MYO16: variants seen among roughly 807,000 people sequenced by gnomAD.
MYO16 encodes unconventional myosin-XVI.
A neutral mutation model predicts 205.3 loss-of-function variants in MYO16; 94 were observed. The ratio of observed to expected loss-of-function variants is 0.46; its 90% CI spans 0.39 to 0.54. The LOEUF is 0.54. Ranked by LOEUF, MYO16 falls within the 20% of genes least tolerant of loss-of-function variation. The probability of loss-of-function intolerance (pLI) is 0.00; values close to 1 mark genes in which losing one functional copy is unlikely to be tolerated. For missense variants in MYO16, 2,315 were observed against 2,387.5 expected, an observed-to-expected ratio of 0.97 and a Z score of 0.63; for synonymous variants, 988 against 954.0, an observed-to-expected ratio of 1.04 and a Z score of -0.66.
At chr13:108,911,393 C>T (rs1013001573) in intron 16 of MYO16, among the ~76,000 whole-genome samples, 1 of 151,952 alleles carries the variant, frequency 6.6e-6, no homozygotes, top group Non-Finnish European at 1.5e-5. Context: ...ATACGTTAAT[C>T]GAGAGCCTCC....
chr13:109,114,092 A>G (rs941756346), intron 28 of MYO16, among the ~76,000 whole-genome samples: 1 of 152,174 alleles, frequency 6.6e-6, no homozygotes, highest in Non-Finnish European at 1.5e-5. Context: ...GGGAGCAGCA[A>G]CATAGCAGCT....
chr13:108,576,124 T>C, the MYO16 span, among the ~76,000 whole-genome samples: 4,978 of 152,120 alleles, frequency 0.033, 250 homozygotes, highest in African/African-American at 0.11. Flanking sequence ...GCTGGTAAGC[T>C]GAAGTTCCAA....
chr13:109,140,282 C>G lies in MYO16; in HGVS notation c.4070C>G (p.Pro1357Arg). ...GCCGCAGCTCTGGCCCGGCCCAGAC[C>G]GCACAGCGACGACTACAGCACCATG... ...AANEALARPR[P>R]HSDDYSTMKK... Residue 1357 changes from proline to arginine, a missense_variant, in exon 32 of 35, where the codon CCG becomes CGG. By Grantham distance (103) the Pro-to-Arg change is moderately radical (BLOSUM62 -2). Coordinates refer to ENST00000457511, the MANE Select transcript of MYO16 (RefSeq NM_001198950.3). This position sits in a 1 kb window ranked among gnomAD's most constrained non-coding sequence, Gnocchi z 8.0. The G allele has an allele frequency of 6.2e-7, 1 of 1,600,306 alleles. No homozygotes were observed. Among genetic ancestry groups the G allele is most frequent in the Non-Finnish European group, 8.5e-7 (1 of 1,179,134 alleles).
chr13:108,760,767 C>A (rs1045380739), intron 4 of MYO16, among the ~76,000 whole-genome samples: 5 of 152,094 alleles, frequency 3.3e-5, no homozygotes, highest in African/African-American at 1.2e-4. Context: ...GAGGAGGTGG[C>A]ATGAGAACTG....
chr13:108,902,174 T>G (rs755789732), intron 15 of MYO16, among the ~76,000 whole-genome samples: 1 of 152,212 alleles, frequency 6.6e-6, no homozygotes, highest in South Asian at 2.1e-4. Flanking sequence ...AAGGAACATC[T>G]TCACTCAGTC....
intron 3 of MYO16, 110 bp downstream of exon 3, chr13:108,712,841 A>T: frequency 2.6e-6 from 2 of 771,322 alleles, no homozygotes; most frequent in South Asian, 4.4e-5. Context: ...GATCAGAAAG[A>T]TGATGTGTTT....
chr13:108,697,631 A>G (rs1374058025), intron 2 of MYO16, among the ~76,000 whole-genome samples: 2 of 152,194 alleles, frequency 1.3e-5, no homozygotes, highest in African/African-American at 4.8e-5. Flanking sequence ...TTAAGTATCA[A>G]TTTGTATGAT....
At chr13:108,759,630 G>A (rs1391572892) in intron 4 of MYO16, among the ~76,000 whole-genome samples, 1 of 152,052 alleles carries the variant, frequency 6.6e-6, no homozygotes, top group Non-Finnish European at 1.5e-5. Context: ...GACCATCCTG[G>A]CTAACACGGT....
chr13:108,721,268 C>T (rs1254260330), intron 3 of MYO16, among the ~76,000 whole-genome samples: 1 of 152,184 alleles, frequency 6.6e-6, no homozygotes, highest in Admixed American at 6.5e-5. Flanking sequence ...CTTGCTCTCT[C>T]GTCACTTTGC....
At chr13:109,163,167 GC>G (rs869075391) in intron 32 of MYO16, among the ~76,000 whole-genome samples, 28 of 105,290 alleles carry the variant, frequency 2.7e-4, no homozygotes, top group Non-Finnish European at 4.6e-4. Context: ...TCCTTTCTGG[GC>G]AGAACAGGCT....
intron 23 of MYO16, among the ~76,000 whole-genome samples, chr13:109,023,601 GT>G (rs1886207780): frequency 8.3e-6 from 1 of 120,836 alleles, no homozygotes; most frequent in Non-Finnish European, 1.6e-5. Context: ...AAATATAAAT[GT>G]ACATATTTAT....
chr13:108,989,817 G>A (rs1247942309), intron 20 of MYO16, among the ~76,000 whole-genome samples: 2 of 151,862 alleles, frequency 1.3e-5, no homozygotes, highest in African/African-American at 4.8e-5. Context: ...TTTTCAGATT[G>A]TATTTCTTTG....
intron 28 of MYO16, among the ~76,000 whole-genome samples, chr13:109,114,659 C>G (rs1170869477): frequency 2.6e-5 from 4 of 152,166 alleles, no homozygotes; most frequent in Non-Finnish European, 5.9e-5. Flanking sequence ...GGAAATTGTA[C>G]TATTATTCCG....
At chr13:108,803,947 A>G (rs1270715327) in intron 6 of MYO16, among the ~76,000 whole-genome samples, 1 of 152,208 alleles carries the variant, frequency 6.6e-6, no homozygotes, top group Non-Finnish European at 1.5e-5. Context: ...TTAACATACA[A>G]AAATGATGGT....
At chr13:109,068,777 G>C (rs1258602016) in intron 27 of MYO16, among the ~76,000 whole-genome samples, 1 of 152,118 alleles carries the variant, frequency 6.6e-6, no homozygotes. Context: ...TTTTAGTAGA[G>C]AAGGGGTTTC....
chr13:108,686,550 G>C (rs1229593953), intron 2 of MYO16, among the ~76,000 whole-genome samples: 1 of 152,180 alleles, frequency 6.6e-6, no homozygotes, highest in Non-Finnish European at 1.5e-5. Flanking sequence ...AGGGGATATG[G>C]AGGTGATCAC....
the MYO16 span, among the ~76,000 whole-genome samples, chr13:108,509,588 TATG>T: frequency 6.6e-6 from 1 of 152,322 alleles, no homozygotes; most frequent in East Asian, 1.9e-4. Context: ...AAAAGTGGGC[TATG>T]ATTGGCTTCA....
intron 20 of MYO16, among the ~76,000 whole-genome samples, chr13:108,991,523 A>G (rs1362202328): frequency 1.3e-5 from 2 of 152,224 alleles, no homozygotes; most frequent in African/African-American, 4.8e-5. Flanking sequence ...TTTACCTTAC[A>G]TCGCACTTGG....
the MYO16 span, among the ~76,000 whole-genome samples, chr13:108,590,075 T>C: frequency 6.6e-6 from 1 of 152,194 alleles, no homozygotes; most frequent in Non-Finnish European, 1.5e-5. Context: ...AAAAATCAAA[T>C]TTTTAATAAT....
Sources: gnomAD v4.1 joint callset for allele counts (sites outside exome capture counted in the v4.1 genomes callset) on GRCh38, gnomAD v4.1.1 for gene constraint, Gnocchi (gnomAD v3.1) non-coding constraint, MANE v1.5 for transcripts, NCBI Gene and HGNC (gene_info 2026-07-23, HGNC 2026-07-21) for gene names.